FBXO4: variants seen among roughly 807,000 people sequenced by gnomAD.
FBXO4 encodes F-box only protein 4.
In FBXO4, 36 loss-of-function variants were observed where a neutral mutation model predicts 43.7. That is an observed-to-expected ratio of 0.82 (90% CI 0.63 to 1.09). FBXO4 has a LOEUF of 1.09. Ranked by LOEUF, FBXO4 falls within the 50% of genes least tolerant of loss-of-function variation. FBXO4 has a pLI of 0.00. For synonymous variants in FBXO4, 180 were observed against 165.6 expected (o/e 1.09, Z -0.67); for missense variants, 435 against 474.1 (o/e 0.92, Z 0.77).
chr5:42,018,542 T>G, the FBXO4 span, among the ~76,000 whole-genome samples: 115 of 152,244 alleles, frequency 7.6e-4, 1 homozygote, highest in African/African-American at 2.7e-3. Context: ...GCCAAAAAAT[T>G]GCTTATTGTT....
the FBXO4 span, among the ~76,000 whole-genome samples, chr5:41,983,825 C>G: frequency 6.6e-6 from 1 of 151,690 alleles, no homozygotes; most frequent in Non-Finnish European, 1.5e-5. Context: ...AGTAAATGCC[C>G]TATTTTAAAA....
chr5:41,946,782 T>C, the FBXO4 span, among the ~76,000 whole-genome samples: 1 of 152,140 alleles, frequency 6.6e-6, no homozygotes, highest in African/African-American at 2.4e-5. Context: ...AATTCAAAAA[T>C]ATTTGTTTTG....
chr5:41,949,049 T>C, the FBXO4 span, among the ~76,000 whole-genome samples: 2 of 152,304 alleles, frequency 1.3e-5, no homozygotes, highest in African/African-American at 4.8e-5. Context: ...AACTAGGTAT[T>C]GATGGAACAT....
chr5:41,944,646 G>A (rs148742319), downstream of FBXO4, among the ~76,000 whole-genome samples: 43 of 152,326 alleles, frequency 2.8e-4, no homozygotes, highest in African/African-American at 9.6e-4. Flanking sequence ...AGCAGTCATA[G>A]GAAATGTGAA....
At chr5:41,972,830 C>A in the FBXO4 span, among the ~76,000 whole-genome samples, 1 of 152,116 alleles carries the variant, frequency 6.6e-6, no homozygotes, top group South Asian at 2.1e-4. Context: ...GAAAAGGACT[C>A]CTTATTCAAT....
At chr5:41,992,667 T>C in the FBXO4 span, among the ~76,000 whole-genome samples, 6 of 152,338 alleles carry the variant, frequency 3.9e-5, no homozygotes, top group African/African-American at 2.4e-5. Flanking sequence ...GGTTATTTCA[T>C]TGGGGAGATA....
At chr5:41,981,050 T>C in the FBXO4 span, among the ~76,000 whole-genome samples, 1 of 152,210 alleles carries the variant, frequency 6.6e-6, no homozygotes, top group Admixed American at 6.5e-5. Context: ...CCTTTCCCTG[T>C]ACTGTAAAAT....
At chr5:42,011,294 A>G in the FBXO4 span, among the ~76,000 whole-genome samples, 1 of 152,284 alleles carries the variant, frequency 6.6e-6, no homozygotes, top group South Asian at 2.1e-4. Context: ...ATGCCATATC[A>G]TGGGAGTGAG....
At chr5:41,979,750 C>A in the FBXO4 span, among the ~76,000 whole-genome samples, 1 of 152,134 alleles carries the variant, frequency 6.6e-6, no homozygotes, top group Admixed American at 6.5e-5. Flanking sequence ...GAAACTACAA[C>A]CTTAAATTCT....
chr5:41,961,725 T>C, the FBXO4 span, among the ~76,000 whole-genome samples: 2 of 152,202 alleles, frequency 1.3e-5, no homozygotes, highest in Admixed American at 1.3e-4. Flanking sequence ...ATATGGCTTA[T>C]GGGCAGGGCA....
the FBXO4 span, among the ~76,000 whole-genome samples, chr5:42,030,304 A>C: frequency 6.6e-6 from 1 of 152,194 alleles, no homozygotes; most frequent in Non-Finnish European, 1.5e-5. Flanking sequence ...ATAATGCTGC[A>C]TGTCTACAAC....
chr5:41,983,658 A>AT, the FBXO4 span, among the ~76,000 whole-genome samples: 1 of 151,854 alleles, frequency 6.6e-6, no homozygotes, highest in Non-Finnish European at 1.5e-5. Context: ...ATTTTGTTTA[A>AT]TTTTTTTAGG....
At chr5:41,940,686 T>A (rs1751983802) in intron 6 of FBXO4, among the ~76,000 whole-genome samples, 1 of 152,236 alleles carries the variant, frequency 6.6e-6, no homozygotes, top group African/African-American at 2.4e-5. Context: ...GAGAATTTTC[T>A]TTGTTCCCCT....
chr5:41,992,412 A>C, the FBXO4 span, among the ~76,000 whole-genome samples: 1 of 152,178 alleles, frequency 6.6e-6, no homozygotes, highest in Non-Finnish European at 1.5e-5. Flanking sequence ...TCTATTGGGA[A>C]TCTTCATGGA....
chr5:42,020,111 A>G, the FBXO4 span, among the ~76,000 whole-genome samples: 3 of 152,156 alleles, frequency 2.0e-5, no homozygotes, highest in Non-Finnish European at 4.4e-5. Flanking sequence ...AGAATGCACA[A>G]TTGTTGATTC....
chr5:41,943,140 G>A (rs1249831868), downstream of FBXO4, among the ~76,000 whole-genome samples: 1 of 152,034 alleles, frequency 6.6e-6, no homozygotes, highest in East Asian at 1.9e-4. Context: ...CATGGTATAG[G>A]TAGCAAAGAA....
the FBXO4 span, among the ~76,000 whole-genome samples, chr5:41,982,933 T>C: frequency 6.6e-6 from 1 of 152,154 alleles, no homozygotes; most frequent in East Asian, 1.9e-4. Flanking sequence ...CTGTTCTCAT[T>C]GTTCAACTCC....
At chr5:42,038,841 C>A in the FBXO4 span, among the ~76,000 whole-genome samples, 5 of 152,020 alleles carry the variant, frequency 3.3e-5, no homozygotes, top group Non-Finnish European at 7.4e-5. Context: ...AAAGCTCCCA[C>A]ATTATAAGTG....
chr5:41,979,711 T>C, the FBXO4 span, among the ~76,000 whole-genome samples: 3 of 152,250 alleles, frequency 2.0e-5, no homozygotes, highest in Admixed American at 6.5e-5. Flanking sequence ...GGATGTGTCC[T>C]TGGTTTTTGG....
Sources: gnomAD v4.1 joint callset for allele counts (sites outside exome capture counted in the v4.1 genomes callset) on GRCh38, gnomAD v4.1.1 for gene constraint, MANE v1.5 for transcripts, NCBI Gene and HGNC (gene_info 2026-07-23, HGNC 2026-07-21) for gene names.